ALOX5: variants seen among roughly 807,000 people sequenced by gnomAD.
The protein encoded by ALOX5 is arachidonate 5-lipoxygenase, also known as polyunsaturated fatty acid 5-lipoxygenase.
Under a neutral mutation model 87.9 loss-of-function variants are expected in ALOX5, and 64 were observed. That is an observed-to-expected ratio of 0.73 (90% CI 0.60 to 0.90). The LOEUF (loss-of-function observed/expected upper bound fraction) is 0.90. Among genes scored for constraint, ALOX5 ranks in the 40% least tolerant of loss-of-function variants. The probability of loss-of-function intolerance (pLI) is 0.00; values close to 1 mark genes in which losing one functional copy is unlikely to be tolerated. For missense variants in ALOX5, 822 were observed against 907.5 expected (o/e 0.91, Z 1.21); for synonymous variants, 388 against 355.1 (o/e 1.09, Z -1.04).
chr10:45,440,860 G>A (rs1158755222), intron 8 of ALOX5, among the ~76,000 whole-genome samples: 2 of 152,180 alleles, frequency 1.3e-5, no homozygotes, highest in Non-Finnish European at 2.9e-5. Flanking sequence ...CACGGGCCTC[G>A]CTGGCCAGCC....
intron 1 of ALOX5, among the ~76,000 whole-genome samples, chr10:45,378,251 C>G (rs561535459): frequency 1.3e-5 from 2 of 151,930 alleles, no homozygotes; most frequent in Non-Finnish European, 2.9e-5. Context: ...AGGGTACAAA[C>G]CAGGGCTCAA....
chr10:45,393,890 A>C (rs1840397040), intron 2 of ALOX5, among the ~76,000 whole-genome samples: 1 of 152,218 alleles, frequency 6.6e-6, no homozygotes, highest in Non-Finnish European at 1.5e-5. Flanking sequence ...TAAGAATCCA[A>C]CTTACAAGGG....
At chr10:45,414,002 T>C (rs187526473) in intron 4 of ALOX5, among the ~76,000 whole-genome samples, 117 of 152,186 alleles carry the variant, frequency 7.7e-4, no homozygotes, top group African/African-American at 2.5e-3. Context: ...ATCATGAAAA[T>C]GGCCATACTC....
intron 2 of ALOX5, among the ~76,000 whole-genome samples, chr10:45,387,983 T>G (rs1840063887): frequency 6.6e-6 from 1 of 152,176 alleles, no homozygotes; most frequent in African/African-American, 2.4e-5. Context: ...CCATTGAGTG[T>G]GAGCATCACC....
intron 1 of ALOX5, among the ~76,000 whole-genome samples, chr10:45,379,297 C>T (rs1839744999): frequency 6.6e-6 from 1 of 152,170 alleles, no homozygotes; most frequent in Non-Finnish European, 1.5e-5. Flanking sequence ...CCTCTCCAGC[C>T]CCTCAGAGCC....
chr10:45,442,936 C>A, intron 9 of ALOX5, 102 bp from the exon 10 acceptor site: 1 of 1,281,276 alleles, frequency 7.8e-7, no homozygotes, highest in Non-Finnish European at 1.1e-6. Flanking sequence ...TGCACCTCTG[C>A]CTGCCTGGCC....
At chr10:45,374,759 G>GT in intron 1 of ALOX5, among the ~76,000 whole-genome samples, 1 of 152,166 alleles carries the variant, frequency 6.6e-6, no homozygotes, top group African/African-American at 2.4e-5. Context: ...TCAAGATCTG[G>GT]GCTCCGAGGC....
At chr10:45,374,802 G>C (rs559108639) in intron 1 of ALOX5, among the ~76,000 whole-genome samples, 3 of 152,338 alleles carry the variant, frequency 2.0e-5, no homozygotes, top group African/African-American at 7.2e-5. Context: ...CGCGTTTCTT[G>C]TGCCACCTCT....
At chr10:45,419,198 G>A (rs1286018090) in intron 4 of ALOX5, among the ~76,000 whole-genome samples, 1 of 152,246 alleles carries the variant, frequency 6.6e-6, no homozygotes, top group Non-Finnish European at 1.5e-5. Flanking sequence ...TGCCCTGGCC[G>A]CCTTTGCGGT....
intron 7 of ALOX5, among the ~76,000 whole-genome samples, chr10:45,429,779 A>G (rs1429977889): frequency 6.6e-6 from 1 of 152,190 alleles, no homozygotes; most frequent in Non-Finnish European, 1.5e-5. Flanking sequence ...CTAAAATCCT[A>G]AAAATTCTGG....
chr10:45,420,684 G>A (rs778417721), intron 4 of ALOX5, among the ~76,000 whole-genome samples: 2 of 152,264 alleles, frequency 1.3e-5, no homozygotes, highest in East Asian at 1.9e-4. Context: ...CTGGCACGCA[G>A]TTCCTCCTAG....
rs537506989 is a variant in ALOX5, at chr10:45,442,939, G to T, written c.1273-99G>T. On this transcript the variant is annotated intron_variant, in intron 9 of 13. Transcript: ENST00000374391. ...AGGACAAGGGCTTGCACCTCTGCCT[G>T]CCTGGCCTCCTCGCCTCCCCTGGCA... 29 of 1,317,458 alleles carry T rather than the reference G, an allele frequency of 2.2e-5. No individual in the cohort carries two copies. In the African/African-American group the frequency reaches 4.0e-4, roughly 18 times the overall value. 81.6% of individuals were successfully genotyped at this position (1,317,458 alleles called of 1,614,324 possible). A position where few individuals can be genotyped will look rare whatever the true frequency, so the allele number is the denominator to read the frequency against.
At chr10:45,379,326 C>G (rs373786451) in intron 1 of ALOX5, among the ~76,000 whole-genome samples, 190 of 152,274 alleles carry the variant, frequency 1.2e-3, no homozygotes, top group African/African-American at 4.2e-3. Context: ...GCTACTTCCC[C>G]TGCAGCAGCC....
chr10:45,437,696 C>G (rs1012247297), intron 7 of ALOX5, among the ~76,000 whole-genome samples: 6 of 152,234 alleles, frequency 3.9e-5, no homozygotes, highest in Admixed American at 2.6e-4. Context: ...GCAACTTCCT[C>G]TTTTCCTTTG....
chr10:45,417,084 G>T (rs1294461990), intron 4 of ALOX5, among the ~76,000 whole-genome samples: 1 of 152,062 alleles, frequency 6.6e-6, no homozygotes, highest in African/African-American at 2.4e-5. Context: ...CAGAATAGGT[G>T]CTCATTAAAT....
intron 3 of ALOX5, among the ~76,000 whole-genome samples, chr10:45,407,417 A>G (rs1209885093): frequency 1.3e-5 from 2 of 149,180 alleles, no homozygotes; most frequent in Admixed American, 1.3e-4. Context: ...CCCACCTAGG[A>G]CTTGTCATTG....
intron 7 of ALOX5, among the ~76,000 whole-genome samples, chr10:45,433,694 G>A (rs1006085289): frequency 6.6e-6 from 1 of 152,210 alleles, no homozygotes; most frequent in Non-Finnish European, 1.5e-5. Flanking sequence ...CAGGTCATAG[G>A]TAGATTCAAA....
chr10:45,418,150 G>C lies in ALOX5; in HGVS notation c.554+5837G>C, dbSNP rs1460852678. On this transcript the variant is annotated intron_variant, in intron 4 of 13. Coordinates refer to ENST00000374391, the MANE Select transcript of ALOX5 (RefSeq NM_000698.5). ...CGCCTCTGTGCTGGCACAGTGGATGGAGACCCTTGAGTTCTGCGGGGGAGA... is the reference window on the plus strand; with the variant it reads ...CGCCTCTGTGCTGGCACAGTGGATGCAGACCCTTGAGTTCTGCGGGGGAGA... Among the ~76,000 whole-genome samples, 5 of 152,310 alleles carry C rather than the reference G, an allele frequency of 3.3e-5. No homozygotes were observed. The South Asian group carries it at 8.3e-4, about 25-fold the overall frequency.
At chr10:45,420,906 C>T (rs1207267781) in intron 4 of ALOX5, among the ~76,000 whole-genome samples, 1 of 152,212 alleles carries the variant, frequency 6.6e-6, no homozygotes, top group African/African-American at 2.4e-5. Flanking sequence ...AAATGCGGCC[C>T]GTCCTGGGAG....
Sources: allele counts gnomAD v4.1 joint callset (sites outside exome capture counted in the v4.1 genomes callset), GRCh38; gene constraint gnomAD v4.1.1; transcripts MANE v1.5; gene names NCBI Gene and HGNC (gene_info 2026-07-23, HGNC 2026-07-21).